DOCK1: variants seen among roughly 807,000 people sequenced by gnomAD.
The protein encoded by DOCK1 is dedicator of cytokinesis 1.
In DOCK1, 138 loss-of-function variants were observed where a neutral mutation model predicts 262.7. The observed-to-expected ratio is 0.53, with a 90% CI of 0.46 to 0.61. The LOEUF (loss-of-function observed/expected upper bound fraction) is 0.61, where lower values mean the gene tolerates loss of function less well. Among genes scored for constraint, DOCK1 ranks in the 20% least tolerant of loss-of-function variants. The pLI, the probability that DOCK1 is intolerant of heterozygous loss-of-function variation, is 0.00. For synonymous variants in DOCK1, 866 were observed against 867.4 expected (o/e 1.00, Z 0.03); for missense variants, 1,908 against 2,370.7 (o/e 0.80, Z 4.05).
chr10:127,330,050 C>CCG, intron 29 of DOCK1, among the ~76,000 whole-genome samples: 1 of 152,184 alleles, frequency 6.6e-6, no homozygotes. Context: ...CTTGCTAACT[C>CCG]CGCGTTGGGG....
intron 28 of DOCK1, 92 bp downstream of exon 28, chr10:127,248,201 G>A: frequency 5.4e-6 from 6 of 1,110,140 alleles, no homozygotes; most frequent in Non-Finnish European, 7.9e-6. Context: ...TTTAAAATAG[G>A]ATTTTGCATG....
chr10:127,380,004 A>G, intron 35 of DOCK1, 78 bp from the exon 36 acceptor site: 4 of 986,248 alleles, frequency 4.1e-6, no homozygotes, highest in Non-Finnish European at 6.3e-6. Context: ...AAGATGAAGT[A>G]TCTTGAATTT....
intron 32 of DOCK1, among the ~76,000 whole-genome samples, chr10:127,359,461 A>G (rs1321967264): frequency 6.6e-6 from 1 of 152,224 alleles, no homozygotes; most frequent in African/African-American, 2.4e-5. Flanking sequence ...TGGTTGATGA[A>G]CAACTCGCTG....
At chr10:127,342,969 G>C (rs1462270617) in intron 30 of DOCK1, among the ~76,000 whole-genome samples, 3 of 152,264 alleles carry the variant, frequency 2.0e-5, no homozygotes, top group East Asian at 1.9e-4. Context: ...CATTGGCCAG[G>C]CATGGTGGCT....
At chr10:127,402,931 T>G in intron 38 of DOCK1, 124 bp from the exon 39 acceptor site, 4 of 935,330 alleles carry the variant, frequency 4.3e-6, no homozygotes, top group Non-Finnish European at 6.5e-6. Flanking sequence ...TTCGGTGTTA[T>G]TCCCATAATG....
At chr10:126,961,435 A>G (rs2037209590) in intron 1 of DOCK1, among the ~76,000 whole-genome samples, 1 of 151,912 alleles carries the variant, frequency 6.6e-6, no homozygotes, top group African/African-American at 2.4e-5. Context: ...TAAAAATACA[A>G]CTCTGTCTTC....
intron 22 of DOCK1, among the ~76,000 whole-genome samples, chr10:127,059,365 G>A (rs1179983116): frequency 6.6e-6 from 1 of 152,000 alleles, no homozygotes; most frequent in African/African-American, 2.4e-5. Context: ...AAGATTTGTG[G>A]CCATTGTCTG....
In DOCK1 at chr10:127,295,038, A is replaced by C. The variant is rs1247966151; in HGVS notation, c.3044+37609A>C. On this transcript the variant is annotated intron_variant, in intron 29 of 51. Coordinates refer to ENST00000623213, the MANE Select transcript of DOCK1 (RefSeq NM_001290223.2). ...TTTGGGAGGCCTAGGTGGGAGGATC[A>C]CTTGATGCCAGGAATTTAAGTTTTC... Among the ~76,000 whole-genome samples the C allele has an allele frequency of 2.0e-5, 3 of 152,270 alleles. No individual in the cohort carries two copies. In the East Asian group the frequency reaches 5.8e-4, roughly 29 times the overall value.
chr10:127,086,009 C>T (rs2047174357), intron 23 of DOCK1, among the ~76,000 whole-genome samples: 1 of 152,128 alleles, frequency 6.6e-6, no homozygotes, highest in Admixed American at 6.5e-5. Context: ...TGCTTTCATT[C>T]AACAAATGTT....
rs1565070276 is a variant in DOCK1 at position 127,410,929 on chromosome 10, A to C, written c.4428+5A>C. ...AACCCAGACAATGAATTTGCGGTAAAAAACAAACAAACCACCAAACCAAAC... is the reference window on the plus strand; with the variant it reads ...AACCCAGACAATGAATTTGCGGTAACAAACAAACAAACCACCAAACCAAAC... On this transcript the variant is annotated splice_donor_5th_base_variant and intron_variant, in intron 43 of 51. Transcript: ENST00000623213. 1 of 1,612,150 alleles carries C rather than the reference A, an allele frequency of 6.2e-7. No homozygotes were observed. The highest frequency in any genetic ancestry group is 1.1e-5 in the South Asian group (1 of 90,488).
At chr10:127,357,570 C>G (rs73384676) in intron 32 of DOCK1, among the ~76,000 whole-genome samples, 422 of 152,296 alleles carry the variant, frequency 2.8e-3, no homozygotes, top group Non-Finnish European at 4.2e-3. Flanking sequence ...CAAGCTCCCC[C>G]CTTCCCTCCT....
At chr10:127,257,262 C>G (rs1452718172) in intron 28 of DOCK1, 73 bp from the exon 29 acceptor site, 4 of 1,211,442 alleles carry the variant, frequency 3.3e-6, no homozygotes, top group Non-Finnish European at 4.7e-6. Context: ...ATTTTATAAT[C>G]TAATTGACAG....
At chr10:127,223,069 T>C (rs991262225) in intron 27 of DOCK1, among the ~76,000 whole-genome samples, 2 of 152,226 alleles carry the variant, frequency 1.3e-5, no homozygotes, top group African/African-American at 4.8e-5. Context: ...GTATCCTTCA[T>C]TCAGTCTCTG....
intron 1 of DOCK1, among the ~76,000 whole-genome samples, chr10:126,945,137 A>G (rs2134284850): frequency 6.6e-6 from 1 of 152,220 alleles, no homozygotes; most frequent in South Asian, 2.1e-4. Flanking sequence ...GTGCCTGGCC[A>G]GAAAACGTTT....
Position 127,426,088 on chromosome 10 carries a change from A to G in DOCK1, c.4914+77A>G, listed in dbSNP as rs865979993. 3.2e-5 allele frequency: 51 copies of G among 1,597,112 alleles called. 1 individual carries two copies. The African/African-American group carries it at 4.7e-4, about 15-fold the overall frequency. On this transcript the variant is annotated intron_variant, in intron 47 of 51. Coordinates refer to ENST00000623213, the MANE Select transcript of DOCK1 (RefSeq NM_001290223.2). ...CACTGTTGAACAGGGACAAGCTTCC[A>G]GAGCAGAGGAACTCACATGTACACA...
intron 16 of DOCK1, among the ~76,000 whole-genome samples, chr10:127,027,877 G>A (rs928007665): frequency 1.3e-5 from 2 of 152,082 alleles, no homozygotes; most frequent in African/African-American, 2.4e-5. Flanking sequence ...GCAGATCATC[G>A]AGAAGCTTGG....
chr10:127,214,783 C>G (rs1386988835), intron 27 of DOCK1, among the ~76,000 whole-genome samples: 2 of 152,158 alleles, frequency 1.3e-5, no homozygotes, highest in East Asian at 1.9e-4. Flanking sequence ...TCTTAGGCTT[C>G]AGAAGTGTGG....
At chr10:127,226,720 G>C (rs999994915) in intron 27 of DOCK1, among the ~76,000 whole-genome samples, 2 of 152,032 alleles carry the variant, frequency 1.3e-5, no homozygotes, top group African/African-American at 4.8e-5. Context: ...TTCCAGCCTC[G>C]GTGACAGGGG....
chr10:127,176,485 A>T lies in DOCK1; in HGVS notation c.2847+48721A>T, dbSNP rs2055172562. The T allele has an allele frequency of 9.1e-7, 1 of 1,101,042 alleles. No homozygotes were observed. Among genetic ancestry groups the T allele is most frequent in the Non-Finnish European group, 1.3e-6 (1 of 770,302 alleles). The allele number at this position is 1,101,042 out of a possible 1,614,324, so 68.2% of individuals were successfully genotyped here. ...GCCGCACAAACTTTTAGCCACCACG[A>T]CGACTGCCTGTTTCCTAATTATATT... On this transcript the variant is annotated intron_variant, in intron 27 of 51. Coordinates refer to ENST00000623213, the MANE Select transcript of DOCK1 (RefSeq NM_001290223.2). This position sits in a 1 kb window ranked among gnomAD's most constrained non-coding sequence, Gnocchi z 4.4.
Sources: gnomAD v4.1 joint callset for allele counts (sites outside exome capture counted in the v4.1 genomes callset) on GRCh38, gnomAD v4.1.1 for gene constraint, Gnocchi (gnomAD v3.1) non-coding constraint, MANE v1.5 for transcripts, NCBI Gene and HGNC (gene_info 2026-07-23, HGNC 2026-07-21) for gene names.